The following SEMA6D variants were observed in gnomAD, a reference collection of about 807,000 sequenced individuals.
The protein encoded by SEMA6D is semaphorin-6D.
SEMA6D carries 35 observed loss-of-function variants against 106.6 expected under a neutral mutation model. The observed-to-expected ratio is 0.33, with a 90% CI of 0.25 to 0.44. The LOEUF (loss-of-function observed/expected upper bound fraction) is 0.44, where lower values mean the gene tolerates loss of function less well. Among genes scored for constraint, SEMA6D ranks in the 20% least tolerant of loss-of-function variants. SEMA6D has a pLI of 1.00. For synonymous variants in SEMA6D, 499 were observed against 487.7 expected (o/e 1.02, Z -0.31); for missense variants, 1,185 against 1,345.9 (o/e 0.88, Z 1.87).
chr15:47,350,241 C>T lies in SEMA6D; in HGVS notation c.-238-62152C>T, dbSNP rs143135375. Among the ~76,000 whole-genome samples, 4 of 149,756 alleles carry T rather than the reference C, an allele frequency of 2.7e-5. No individual in the cohort carries two copies. In the East Asian group the frequency reaches 7.8e-4, roughly 29 times the overall value. ...ATTGTTGTCAAACCTGCTCTGAACTCCTTAACCAGGGCAGTCACTAGGCCA... is the reference window on the plus strand; with the variant it reads ...ATTGTTGTCAAACCTGCTCTGAACTTCTTAACCAGGGCAGTCACTAGGCCA... On this transcript the variant is annotated intron_variant, in intron 1 of 19. Coordinates refer to the SEMA6D transcript ENST00000558014.
chr15:47,605,044 C>G (rs1377739010), intron 4 of SEMA6D, among the ~76,000 whole-genome samples: 2 of 152,078 alleles, frequency 1.3e-5, no homozygotes, highest in Non-Finnish European at 2.9e-5. Context: ...AACCAATATC[C>G]CTGAAATTTC....
At chr15:47,361,953 A>G (rs980734053) in intron 1 of SEMA6D, among the ~76,000 whole-genome samples, 2 of 152,232 alleles carry the variant, frequency 1.3e-5, no homozygotes, top group Non-Finnish European at 2.9e-5. Context: ...TTCCAATTTA[A>G]TAGAATTACC....
At chr15:47,277,616 A>ATTTATTTT (rs537046889) in intron 1 of SEMA6D, among the ~76,000 whole-genome samples, 9 of 137,230 alleles carry the variant, frequency 6.6e-5, no homozygotes, top group African/African-American at 2.0e-4. Flanking sequence ...ATTATTATTT[A>ATTTATTTT]TTATTATTAT....
rs1302783664 is a variant in SEMA6D at position 47,534,298 on chromosome 15, C to G, written c.-87+63753C>G. Reference sequence around the variant, plus strand: ...CTCTGCCTCCCGGGTTCAAGTGATTCTCGTGCCGCAGCCTCCCTAGTAGCT... The same window carrying G: ...CTCTGCCTCCCGGGTTCAAGTGATTGTCGTGCCGCAGCCTCCCTAGTAGCT... On this transcript the variant is annotated intron_variant, in intron 3 of 19. Transcript: ENST00000558014. Among the ~76,000 whole-genome samples, 5 of 152,022 alleles carry G rather than the reference C, an allele frequency of 3.3e-5. 1 individual carries two copies. The South Asian group carries it at 1.0e-3, about 32-fold the overall frequency.
chr15:47,639,346 G>C (rs958380556), intron 4 of SEMA6D, among the ~76,000 whole-genome samples: 1 of 152,168 alleles, frequency 6.6e-6, no homozygotes, highest in East Asian at 1.9e-4. Context: ...AAGTAGTATT[G>C]AGTTAAAACC....
chr15:47,197,588 A>G (rs1894445392), intron 1 of SEMA6D, among the ~76,000 whole-genome samples: 1 of 152,072 alleles, frequency 6.6e-6, no homozygotes, highest in Non-Finnish European at 1.5e-5. Context: ...TAAATCCACA[A>G]TAGTTCATTC....
chr15:47,259,272 A>G (rs908734110), intron 1 of SEMA6D, among the ~76,000 whole-genome samples: 7 of 152,284 alleles, frequency 4.6e-5, no homozygotes, highest in Middle Eastern at 3.4e-3. Flanking sequence ...TTCCTTCCCA[A>G]TGCTGCAAGA....
At chr15:47,479,884 T>C (rs1321218668) in intron 3 of SEMA6D, among the ~76,000 whole-genome samples, 4 of 148,760 alleles carry the variant, frequency 2.7e-5, no homozygotes, top group African/African-American at 5.0e-5. Context: ...TTTTTTTTTT[T>C]CTGAGACAGA....
intron 1 of SEMA6D, among the ~76,000 whole-genome samples, chr15:47,360,564 A>T (rs1355512515): frequency 6.6e-6 from 1 of 152,246 alleles, no homozygotes; most frequent in East Asian, 1.9e-4. Context: ...ACAGTGCTTC[A>T]TGAGACTACA....
At chr15:47,737,938 A>G (rs1290847813) in intron 1 of SEMA6D, among the ~76,000 whole-genome samples, 1 of 152,020 alleles carries the variant, frequency 6.6e-6, no homozygotes, top group African/African-American at 2.4e-5. Flanking sequence ...TACCAGTATT[A>G]TCTTTAAAAA....
intron 4 of SEMA6D, among the ~76,000 whole-genome samples, chr15:47,662,017 C>A (rs1289465483): frequency 6.6e-6 from 1 of 152,140 alleles, no homozygotes; most frequent in East Asian, 1.9e-4. Context: ...ATGTGGTCTG[C>A]AAATCCCAGC....
chr15:47,443,426 T>G (rs1249886818), intron 2 of SEMA6D, among the ~76,000 whole-genome samples: 1 of 152,064 alleles, frequency 6.6e-6, no homozygotes, highest in Non-Finnish European at 1.5e-5. Context: ...GAAGTCCAAA[T>G]TAACCCACAT....
chr15:47,600,530 TAACAAC>T (rs145529962), intron 3 of SEMA6D, among the ~76,000 whole-genome samples: 22 of 152,126 alleles, frequency 1.4e-4, no homozygotes, highest in African/African-American at 4.6e-4. Context: ...TTTAAAAGTT[TAACAAC>T]AACAACAACA....
At chr15:47,460,472 T>C (rs1264342195) in intron 2 of SEMA6D, among the ~76,000 whole-genome samples, 2 of 152,070 alleles carry the variant, frequency 1.3e-5, no homozygotes, top group Non-Finnish European at 2.9e-5. Flanking sequence ...CGACTCTCAA[T>C]GTGCTTTGAA....
At chr15:47,277,936 A>G (rs1450854678) in intron 1 of SEMA6D, among the ~76,000 whole-genome samples, 5 of 151,936 alleles carry the variant, frequency 3.3e-5, no homozygotes, top group Admixed American at 2.6e-4. Context: ...TACAAAGGAC[A>G]TGAACTCATC....
intron 1 of SEMA6D, among the ~76,000 whole-genome samples, chr15:47,255,064 A>G (rs2033730559): frequency 1.3e-5 from 2 of 152,154 alleles, no homozygotes. Context: ...GATATGTACC[A>G]TCAGGTTCTT....
At position 47,731,071 on chromosome 15, in the gene SEMA6D, C is replaced by T. The variant is rs191913886; in HGVS notation, c.-55+13379C>T. 1.2e-3 allele frequency: 639 copies of T among 551,326 alleles called. 4 individuals carry two copies. The highest frequency in any genetic ancestry group is 9.8e-3 in the African/African-American group (525 of 53,376). The allele number at this position is 551,326 out of a possible 1,614,324, so 34.2% of individuals were successfully genotyped here. On this transcript the variant is annotated intron_variant, in intron 1 of 18. Transcript: ENST00000536845. ...AGCTACCTGTGAAAAGAGACAGACA[C>T]ACAGATAGTCCAACTTCTCAAATTT...
chr15:47,251,977 G>T (rs1466529811), intron 1 of SEMA6D, among the ~76,000 whole-genome samples: 1 of 134,042 alleles, frequency 7.5e-6, no homozygotes, highest in African/African-American at 2.9e-5. Flanking sequence ...GTGCAGTGGC[G>T]CGATCTCGGC....
chr15:47,199,362 T>C (rs1174793861), intron 1 of SEMA6D, among the ~76,000 whole-genome samples: 1 of 152,156 alleles, frequency 6.6e-6, no homozygotes, highest in Non-Finnish European at 1.5e-5. Flanking sequence ...TGCTGAGTAG[T>C]CTTGCTGGGT....
Sources: gnomAD v4.1 joint callset for allele counts (sites outside exome capture counted in the v4.1 genomes callset) on GRCh38, gnomAD v4.1.1 for gene constraint, MANE v1.5 for transcripts, NCBI Gene and HGNC (gene_info 2026-07-23, HGNC 2026-07-21) for gene names.